ACCSL: variants seen among roughly 807,000 people sequenced by gnomAD.
The protein encoded by ACCSL is probable inactive 1-aminocyclopropane-1-carboxylate synthase-like protein 2.
In ACCSL, 55 loss-of-function variants were observed where a neutral mutation model predicts 61.7. That is an observed-to-expected ratio of 0.89 (90% confidence interval 0.72 to 1.12). ACCSL has a LOEUF of 1.12. ACCSL is among the 50% of genes most tolerant of loss of function. ACCSL has a pLI of 0.00. For missense variants in ACCSL, 632 were observed against 698.0 expected (o/e 0.91, Z 1.07); for synonymous variants, 258 against 264.3 (o/e 0.98, Z 0.23).
the ACCSL span, among the ~76,000 whole-genome samples, chr11:43,999,394 C>T: frequency 6.6e-5 from 10 of 152,104 alleles, no homozygotes; most frequent in African/African-American, 9.7e-5. Context: ...CTGCAGCCAA[C>T]ATGTCAGCTG....
chr11:43,942,627 G>T, the ACCSL span: 2 of 298,990 alleles, frequency 6.7e-6, no homozygotes, highest in Non-Finnish European at 1.3e-5. Context: ...GAGCCTGGCC[G>T]CCGCGGGGCA....
In ACCSL at chr11:44,050,447, G is replaced by A. The variant is rs1590429081; in HGVS notation, c.565-105G>A. On this transcript the variant is annotated intron_variant, in intron 2 of 13. Transcript: ENST00000378832. ...GTGTATATACCCATTCCCTTTCTAGGAGGTCATGTATGTGGAGGGCAAACA... is the reference window on the plus strand; with the variant it reads ...GTGTATATACCCATTCCCTTTCTAGAAGGTCATGTATGTGGAGGGCAAACA... 11 of 940,980 alleles carry A rather than the reference G, an allele frequency of 1.2e-5. No homozygotes were observed. The East Asian group carries it at 2.6e-4, about 22-fold the overall frequency. The allele number at this position is 940,980 out of a possible 1,614,324, so 58.3% of individuals were successfully genotyped here. A position where few individuals can be genotyped will look rare whatever the true frequency, so the allele number is the denominator to read the frequency against.
chr11:44,051,480 G>T (rs1952638696), intron 4 of ACCSL, 76 bp downstream of exon 4: 2 of 1,584,002 alleles, frequency 1.3e-6, no homozygotes, highest in African/African-American at 1.3e-5. Context: ...CCTTTCTAGG[G>T]GGTACAAGGA....
the ACCSL span, among the ~76,000 whole-genome samples, chr11:43,964,644 C>T: frequency 6.6e-6 from 1 of 152,048 alleles, no homozygotes; most frequent in Admixed American, 6.6e-5. Context: ...GCCAAAGACA[C>T]CAAAAGACTA....
chr11:43,966,768 C>T, the ACCSL span, among the ~76,000 whole-genome samples: 21 of 151,978 alleles, frequency 1.4e-4, no homozygotes, highest in Admixed American at 1.4e-3. Context: ...GGCCTGGCTA[C>T]TCATCTGATA....
At chr11:43,980,652 G>T in the ACCSL span, among the ~76,000 whole-genome samples, 1 of 152,000 alleles carries the variant, frequency 6.6e-6, no homozygotes, top group Non-Finnish European at 1.5e-5. Flanking sequence ...TCGTATTTAG[G>T]AATAATAATG....
the ACCSL span, among the ~76,000 whole-genome samples, chr11:43,995,764 A>G: frequency 0.41 from 61,681 of 152,032 alleles, 13,277 homozygotes; most frequent in Middle Eastern, 0.54. Flanking sequence ...AGGGAGAATA[A>G]GAAGGGGCCT....
the ACCSL span, among the ~76,000 whole-genome samples, chr11:43,990,819 A>C: frequency 6.6e-6 from 1 of 152,018 alleles, no homozygotes; most frequent in Admixed American, 6.6e-5. Context: ...CACCGTAATC[A>C]CAGCACTTTG....
chr11:44,008,023 C>G, the ACCSL span, among the ~76,000 whole-genome samples: 1 of 152,088 alleles, frequency 6.6e-6, no homozygotes. Flanking sequence ...AGTGTGCACA[C>G]TGGTCTAGCC....
Position 44,059,890 on chromosome 11 carries a change from GA to G in ACCSL, c.1679del (p.Lys560SerfsTer7). The G allele has an allele frequency of 1.2e-6, 2 of 1,613,960 alleles. 1 individual carries two copies. The highest frequency in any genetic ancestry group is 2.2e-5 in the South Asian group (2 of 91,052). On this transcript the variant is annotated frameshift_variant, in exon 14 of 14. Transcript: ENST00000378832. LOFTEE classifies it low-confidence loss of function (END_TRUNC). ...AGGAGCAGAAGGAGGCTTTGATAGT[GA>G]AGCAGTTGGAGGATGCAATGAGGGA... ...LQEQKEALIVKQLEDAMRE is the reference protein window; with the variant it reads ...LQEQKEALIVXQLEDAMRE
the ACCSL span, among the ~76,000 whole-genome samples, chr11:44,013,645 T>C: frequency 6.6e-6 from 1 of 152,210 alleles, no homozygotes; most frequent in African/African-American, 2.4e-5. Flanking sequence ...GAGTGAAGGG[T>C]ATGAAAATAT....
Position 44,053,402 on chromosome 11 carries a change from T to C in ACCSL, c.949-4T>C. ...TCACTCAGTTATATTTGGGTTTTTC[T>C]TAGGGGAAAAAGGTCCGAGGCCTTG... On this transcript the variant is annotated splice_region_variant and splice_polypyrimidine_tract_variant and intron_variant, in intron 7 of 13. Transcript: ENST00000378832. 6.2e-7 allele frequency: 1 copy of C among 1,613,960 alleles called. No individual in the cohort carries two copies. The highest frequency in any genetic ancestry group is 8.5e-7 in the Non-Finnish European group (1 of 1,179,876).
chr11:43,947,739 AAGAG>A, the ACCSL span, among the ~76,000 whole-genome samples: 44,873 of 101,110 alleles, frequency 0.44, 7,001 homozygotes, highest in South Asian at 0.57. Flanking sequence ...GAGACAGTGA[AAGAG>A]AGAGAGAGAG....
chr11:43,959,925 A>G, the ACCSL span, among the ~76,000 whole-genome samples: 3 of 152,094 alleles, frequency 2.0e-5, no homozygotes, highest in African/African-American at 7.2e-5. Context: ...ACTCAAAATA[A>G]CAGCCTGAGC....
the ACCSL span, chr11:43,943,527 G>C: frequency 7.5e-7 from 1 of 1,331,284 alleles, no homozygotes; most frequent in Non-Finnish European, 9.9e-7. The surrounding 1 kb of genome is among the most constrained non-coding windows in gnomAD (Gnocchi z 4.8). Flanking sequence ...ACTCTTCCCA[G>C]TGCGAACTCT....
At chr11:44,030,057 ATTTTTT>A in the ACCSL span, among the ~76,000 whole-genome samples, 76 of 4,454 alleles carry the variant, frequency 0.017, 3 homozygotes, top group East Asian at 0.12. Flanking sequence ...TCTTTGGTTG[ATTTTTT>A]TTTTTTTTTT....
the ACCSL span, among the ~76,000 whole-genome samples, chr11:43,963,760 C>T: frequency 2.6e-5 from 4 of 152,176 alleles, no homozygotes; most frequent in African/African-American, 9.7e-5. Context: ...TTTATTTTCC[C>T]TGCATTGCTA....
the ACCSL span, among the ~76,000 whole-genome samples, chr11:43,967,406 C>T: frequency 6.6e-6 from 1 of 151,632 alleles, no homozygotes; most frequent in East Asian, 1.9e-4. Flanking sequence ...CTCAAACTCC[C>T]GACCTCAGGT....
At chr11:43,936,226 C>T in the ACCSL span, among the ~76,000 whole-genome samples, 1 of 152,192 alleles carries the variant, frequency 6.6e-6, no homozygotes, top group South Asian at 2.1e-4. Context: ...GATTAGAGTG[C>T]AGCGTTGCTC....
Sources: gnomAD v4.1 joint callset for allele counts (sites outside exome capture counted in the v4.1 genomes callset) on GRCh38, gnomAD v4.1.1 for gene constraint, Gnocchi (gnomAD v3.1) non-coding constraint, MANE v1.5 for transcripts, NCBI Gene and HGNC (gene_info 2026-07-23, HGNC 2026-07-21) for gene names.